The following DLG2 variants were observed in gnomAD, a reference collection of about 807,000 sequenced individuals.
DLG2 encodes discs large MAGUK scaffold protein 2.
DLG2 carries 45 observed loss-of-function variants against 132.5 expected under a neutral mutation model. That is an observed-to-expected ratio of 0.34 (90% confidence interval 0.27 to 0.44). The LOEUF (loss-of-function observed/expected upper bound fraction) is 0.44, where lower values mean the gene tolerates loss of function less well. Ranked by LOEUF, DLG2 falls within the 20% of genes least tolerant of loss-of-function variation. The pLI, the probability that DLG2 is intolerant of heterozygous loss-of-function variation, is 1.00. For synonymous variants in DLG2, 424 were observed against 419.6 expected, an observed-to-expected ratio of 1.01 and a Z score of -0.13; for missense variants, 1,045 against 1,196.9, an observed-to-expected ratio of 0.87 and a Z score of 1.87.
intron 15 of DLG2, among the ~76,000 whole-genome samples, chr11:83,883,101 C>A (rs532241251): frequency 1.3e-5 from 2 of 152,314 alleles, no homozygotes; most frequent in African/African-American, 4.8e-5. Flanking sequence ...TAACTTTAAA[C>A]AAATTATCAT....
intron 4 of DLG2, among the ~76,000 whole-genome samples, chr11:85,170,314 C>A (rs979541182): frequency 6.6e-6 from 1 of 152,192 alleles, no homozygotes; most frequent in Non-Finnish European, 1.5e-5. Context: ...TCTTTCCCCC[C>A]ACATATACAG....
chr11:84,280,578 A>G (rs2097843538), intron 7 of DLG2, among the ~76,000 whole-genome samples: 1 of 152,172 alleles, frequency 6.6e-6, no homozygotes, highest in Non-Finnish European at 1.5e-5. Flanking sequence ...CAAGGCATGT[A>G]CACTGAAAAC....
chr11:85,331,402 C>T (rs1298127314), intron 3 of DLG2, among the ~76,000 whole-genome samples: 5 of 152,238 alleles, frequency 3.3e-5, no homozygotes, highest in African/African-American at 9.6e-5. Flanking sequence ...GTGTGCCTTG[C>T]CCTTCTTTTT....
At chr11:84,112,108 G>A (rs1018647511) in intron 9 of DLG2, among the ~76,000 whole-genome samples, 6 of 151,846 alleles carry the variant, frequency 4.0e-5, no homozygotes, top group Non-Finnish European at 7.4e-5. Flanking sequence ...CGCCTCCCGG[G>A]TTCATGCCAT....
intron 3 of DLG2, among the ~76,000 whole-genome samples, chr11:85,297,490 A>T (rs190924656): frequency 6.6e-6 from 1 of 152,338 alleles, no homozygotes; most frequent in East Asian, 1.9e-4. Flanking sequence ...GTTTCCAGAC[A>T]AGGAAAACTA....
rs756051476 is a variant in DLG2 at position 85,111,719 on chromosome 11, C to T, written c.299G>A (p.Cys100Tyr). 5 of 1,559,530 alleles carry T rather than the reference C, an allele frequency of 3.2e-6. No individual in the cohort carries two copies. The highest frequency in any genetic ancestry group is 1.9e-5 in the Admixed American group (1 of 52,470). The part of the protein sequence containing the change: ...DETTTQNQGR[C>Y]PAQNCSVEAP... ...TTCCACTGAACAATTCTGGGCTGGG[C>T]ATCTGCCTTGGTTTTGCTGCAAATA... Residue 100 changes from cysteine (C) to tyrosine (Y), a missense_variant, in exon 6 of 28, where the codon TGC (cysteine) becomes TAC (tyrosine). By Grantham distance (194) the Cys-to-Tyr change is radical. Transcript: ENST00000376104.
intron 4 of DLG2, among the ~76,000 whole-genome samples, chr11:85,227,375 T>C (rs942618480): frequency 6.6e-6 from 1 of 152,094 alleles, no homozygotes; most frequent in Non-Finnish European, 1.5e-5. Flanking sequence ...ATAATAGTTT[T>C]TGGTTTGTTG....
intron 6 of DLG2, among the ~76,000 whole-genome samples, chr11:84,539,550 G>A (rs1167382230): frequency 2.0e-5 from 3 of 152,108 alleles, no homozygotes; most frequent in African/African-American, 4.8e-5. Context: ...TCCTCAGCTT[G>A]GTCTGTTGAA....
At chr11:85,146,605 G>A (rs750318704) in intron 5 of DLG2, among the ~76,000 whole-genome samples, 13 of 152,050 alleles carry the variant, frequency 8.5e-5, no homozygotes, top group Non-Finnish European at 5.9e-5. Context: ...CTGGTACCCA[G>A]GTTGCAAGAT....
chr11:83,854,154 T>G (rs2060170600), intron 16 of DLG2, among the ~76,000 whole-genome samples: 1 of 152,056 alleles, frequency 6.6e-6, no homozygotes, highest in African/African-American at 2.4e-5. Flanking sequence ...ATGACATACT[T>G]AGTTATAAAG....
chr11:85,252,845 C>G (rs1351833604), intron 4 of DLG2, among the ~76,000 whole-genome samples: 1 of 151,952 alleles, frequency 6.6e-6, no homozygotes, highest in African/African-American at 2.4e-5. Flanking sequence ...AAGCAAGTAC[C>G]AAGAAGGGTT....
intron 8 of DLG2, among the ~76,000 whole-genome samples, chr11:84,247,863 AT>A (rs894459361): frequency 6.6e-6 from 1 of 152,214 alleles, no homozygotes; most frequent in Non-Finnish European, 1.5e-5. Context: ...AATTAGCAAA[AT>A]TAATACATTT....
intron 6 of DLG2, among the ~76,000 whole-genome samples, chr11:84,921,006 T>A (rs1391978226): frequency 6.6e-6 from 1 of 152,294 alleles, no homozygotes; most frequent in East Asian, 1.9e-4. Context: ...AGAAACTATA[T>A]ACCATAAGAG....
At chr11:85,398,137 C>T (rs1270137036) in intron 3 of DLG2, among the ~76,000 whole-genome samples, 2 of 152,144 alleles carry the variant, frequency 1.3e-5, no homozygotes, top group African/African-American at 4.8e-5. Flanking sequence ...CTCAAAACCG[C>T]ACAACTTTAT....
intron 7 of DLG2, among the ~76,000 whole-genome samples, chr11:84,420,130 A>C (rs1264330369): frequency 2.0e-5 from 3 of 152,208 alleles, no homozygotes; most frequent in African/African-American, 7.2e-5. Flanking sequence ...CCAAAAGAAA[A>C]TTATCACGTA....
chr11:85,158,519 C>A (rs2077765685), intron 4 of DLG2, among the ~76,000 whole-genome samples: 1 of 152,148 alleles, frequency 6.6e-6, no homozygotes, highest in Admixed American at 6.5e-5. Flanking sequence ...CATTCTTGAC[C>A]AATGCCTTAC....
At chr11:83,775,098 GCTA>G (rs764019524) in intron 18 of DLG2, among the ~76,000 whole-genome samples, 6 of 152,104 alleles carry the variant, frequency 3.9e-5, no homozygotes, top group Non-Finnish European at 7.4e-5. Context: ...ACTCCAAGCC[GCTA>G]CTGTCGGACT....
At chr11:84,206,864 A>G (rs2096673437) in intron 8 of DLG2, among the ~76,000 whole-genome samples, 1 of 151,988 alleles carries the variant, frequency 6.6e-6, no homozygotes, top group South Asian at 2.1e-4. Context: ...CCTCCCCCAA[A>G]TCTAAAACAA....
chr11:83,772,463 A>G (rs1403935454), intron 18 of DLG2, among the ~76,000 whole-genome samples: 9 of 117,718 alleles, frequency 7.6e-5, no homozygotes, highest in African/African-American at 2.5e-4. Context: ...GGAGGGAGGG[A>G]GGGAGGAAGG....
Sources: allele counts gnomAD v4.1 joint callset (sites outside exome capture counted in the v4.1 genomes callset), GRCh38; gene constraint gnomAD v4.1.1; transcripts MANE v1.5; gene names NCBI Gene and HGNC (gene_info 2026-07-23, HGNC 2026-07-21).